The following TREML2 variants were observed in gnomAD, a reference collection of about 807,000 sequenced individuals.
TREML2 encodes triggering receptor expressed on myeloid cells like 2, also known as trem-like transcript 2 protein.
A neutral mutation model predicts 25.9 loss-of-function variants in TREML2; 24 were observed. The ratio of observed to expected loss-of-function variants is 0.93; its 90% confidence interval spans 0.67 to 1.30. The LOEUF (loss-of-function observed/expected upper bound fraction) is 1.30, where lower values mean the gene tolerates loss of function less well. TREML2 is among the 50% of genes most tolerant of loss of function. TREML2 has a pLI of 0.00. For synonymous variants in TREML2, 139 were observed against 155.2 expected, an observed-to-expected ratio of 0.90 and a Z score of 0.77; for missense variants, 359 against 395.6, an observed-to-expected ratio of 0.91 and a Z score of 0.78.
chr6:41,196,073 T>C (rs956663150), intron 2 of TREML2, among the ~76,000 whole-genome samples: 1 of 152,240 alleles, frequency 6.6e-6, no homozygotes, highest in East Asian at 1.9e-4. Context: ...AGGATTTTTT[T>C]TATTTCCTAA....
intron 3 of TREML2, 101 bp from the exon 4 acceptor site, chr6:41,193,002 T>C: frequency 1.1e-6 from 1 of 946,486 alleles, no homozygotes; most frequent in Non-Finnish European, 1.5e-6. Flanking sequence ...GAGCGTGCCC[T>C]TCCCGGGGTA....
chr6:41,200,823 TA>T, intron 1 of TREML2, 130 bp downstream of exon 1: 2 of 804,916 alleles, frequency 2.5e-6, no homozygotes, highest in South Asian at 2.2e-5. Context: ...AAGTCAGCCC[TA>T]ATCTCCTCCT....
chr6:41,196,220 A>G (rs1766158619), intron 2 of TREML2, among the ~76,000 whole-genome samples: 2 of 152,346 alleles, frequency 1.3e-5, no homozygotes, highest in African/African-American at 4.8e-5. Flanking sequence ...CTATCCCTAA[A>G]TATTAAGACT....
intron 2 of TREML2, among the ~76,000 whole-genome samples, chr6:41,197,284 C>T (rs1766184279): frequency 6.6e-6 from 1 of 152,206 alleles, no homozygotes; most frequent in African/African-American, 2.4e-5. Flanking sequence ...CATGACAGCT[C>T]TCTGAGCTCT....
At chr6:41,196,212 A>T (rs1438220430) in intron 2 of TREML2, among the ~76,000 whole-genome samples, 1 of 152,238 alleles carries the variant, frequency 6.6e-6, no homozygotes, top group Admixed American at 6.5e-5. Context: ...TAATGTTTCT[A>T]TCCCTAAATA....
At chr6:41,192,724 G>A in intron 4 of TREML2, 77 bp downstream of exon 4, 2 of 1,355,564 alleles carry the variant, frequency 1.5e-6, no homozygotes, top group Non-Finnish European at 2.1e-6. Context: ...ATACCACGTG[G>A]GGACTCGAGG....
intron 2 of TREML2, among the ~76,000 whole-genome samples, chr6:41,196,311 G>A (rs1370266629): frequency 2.0e-5 from 3 of 152,196 alleles, no homozygotes; most frequent in East Asian, 1.9e-4. Flanking sequence ...ACATTTTAGC[G>A]ACAGCATTTT....
chr6:41,194,358 A>C (rs1186678645), intron 3 of TREML2, 67 bp downstream of exon 3: 9 of 1,442,634 alleles, frequency 6.2e-6, no homozygotes, highest in Non-Finnish European at 7.4e-6. Context: ...CAGATATAAG[A>C]CTTGCACCTC....
chr6:41,192,408 A>G lies in TREML2; in HGVS notation c.*19T>C. ...GGGGCCACTCTGGGAGAAGCTCCCCACCCCATGCTTAAGTGGCCTCAGATC... is the reference window on the plus strand; with the variant it reads ...GGGGCCACTCTGGGAGAAGCTCCCCGCCCCATGCTTAAGTGGCCTCAGATC... On this transcript the variant is annotated 3_prime_UTR_variant, in exon 5 of 5. Transcript: ENST00000483722. 6.2e-7 allele frequency: 1 copy of G among 1,609,602 alleles called. No individual in the cohort carries two copies.
intron 1 of TREML2, 48 bp downstream of exon 1, chr6:41,200,906 C>A (rs759257126): frequency 6.8e-7 from 1 of 1,474,198 alleles, no homozygotes; most frequent in East Asian, 2.5e-5. Context: ...TGAGCTCCTG[C>A]CTCTGTACCC....
Position 41,190,130 on chromosome 6 carries a change from T to A in TREML2, c.*2297A>T, listed in dbSNP as rs1425664081. The stretch of plus-strand genomic sequence containing the variant: ...CCATATCTGTGCCTGCAGCTTGATT[T>A]TTCAGGCTGTTCTTTTGTTTAAAAG... On this transcript the variant is annotated 3_prime_UTR_variant, in exon 5 of 5. Coordinates refer to ENST00000483722, the MANE Select transcript of TREML2 (RefSeq NM_024807.4). The A allele has an allele frequency of 6.6e-6, 1 of 152,176 alleles. No individual in the cohort carries two copies. Among genetic ancestry groups the A allele is most frequent in the Non-Finnish European group, 1.5e-5 (1 of 68,042 alleles). 9.4% of individuals were successfully genotyped at this position (152,176 alleles called of 1,614,324 possible).
intron 2 of TREML2, among the ~76,000 whole-genome samples, chr6:41,195,966 C>T (rs1766152731): frequency 6.6e-6 from 1 of 152,202 alleles, no homozygotes; most frequent in Admixed American, 6.5e-5. Flanking sequence ...AGTAACTTTC[C>T]TTCTCCACTT....
Position 41,194,430 on chromosome 6 carries a change from G to A in TREML2, c.780C>T (p.Ser260=), listed in dbSNP as rs1361473812. The change falls in exon 3 of 5, where the codon TCC becomes TCT. Residue 260 remains serine (S), a synonymous_variant. Transcript: ENST00000483722. ...ACCCCAGGCCCCACAGGTACCTGAT[G>A]GAGGGCATGGAGGGTAGTCTGTTGA... ...SLLNRLPSMP[S]IRHQDVYSTV... is the part of the protein sequence containing the mutation. 4 of 1,562,624 alleles carry A rather than the reference G, an allele frequency of 2.6e-6. No homozygotes were observed. Among genetic ancestry groups the A allele is most frequent in the Non-Finnish European group, 3.5e-6 (4 of 1,152,120 alleles).
chr6:41,194,364 A>G (rs1766119154), intron 3 of TREML2, 61 bp downstream of exon 3: 4 of 1,452,144 alleles, frequency 2.8e-6, no homozygotes, highest in African/African-American at 1.4e-5. Flanking sequence ...TAAGACTTGC[A>G]CCTCCAGGTC....
intron 1 of TREML2, 106 bp from the exon 2 acceptor site, chr6:41,198,535 T>C (rs1342589659): frequency 2.0e-5 from 24 of 1,222,748 alleles, no homozygotes; most frequent in Middle Eastern, 2.7e-4. Context: ...TGTCCTGCTG[T>C]CACAGAACCC....
At chr6:41,198,609 A>C (rs566990766) in intron 1 of TREML2, among the ~76,000 whole-genome samples, 180 bp from the exon 2 acceptor site, 1 of 152,246 alleles carries the variant, frequency 6.6e-6, no homozygotes, top group South Asian at 2.1e-4. Flanking sequence ...AGGGAGGTGA[A>C]TGGGCCCTGA....
rs1491212489 is a variant in TREML2, at chr6:41,191,168, CCT to C, written c.*1257_*1258del. The stretch of plus-strand genomic sequence containing the variant: ...TCCAGTCACTCCAGGTCAGTAGACA[CCT>C]GTGTGTGTGTGTGTGTGTGTGTGTG... On this transcript the variant is annotated 3_prime_UTR_variant, in exon 5 of 5. Transcript: ENST00000483722. 7.0e-3 allele frequency: 842 copies of C among 120,070 alleles called. 7 individuals carry two copies. Among genetic ancestry groups the C allele is most frequent in the South Asian group, 0.012 (43 of 3,494 alleles). 7.4% of individuals were successfully genotyped at this position (120,070 alleles called of 1,614,324 possible).
chr6:41,197,703 T>C (rs532754536), intron 2 of TREML2, among the ~76,000 whole-genome samples: 10 of 152,352 alleles, frequency 6.6e-5, no homozygotes, highest in Admixed American at 3.9e-4. Flanking sequence ...GGATAATAAG[T>C]GTGCCTGTCA....
Position 41,201,095 on chromosome 6 carries a change from G to T in TREML2, c.-87C>A. 6.6e-7 allele frequency: 1 copy of T among 1,506,982 alleles called. No individual in the cohort carries two copies. The highest frequency in any genetic ancestry group is 9.2e-7 in the Non-Finnish European group (1 of 1,082,910). The allele number at this position is 1,506,982 out of a possible 1,614,324, so 93.4% of individuals were successfully genotyped here. A position where few individuals can be genotyped will look rare whatever the true frequency, so the allele number is the denominator to read the frequency against. On this transcript the variant is annotated 5_prime_UTR_variant, in exon 1 of 5. Coordinates refer to ENST00000483722, the MANE Select transcript of TREML2 (RefSeq NM_024807.4). ...GGATGTGCCACCTGGGCCTGCCAGG[G>T]AAGGACCCGGGGTTCTAAAAGTGAA...
Sources: allele counts gnomAD v4.1 joint callset (sites outside exome capture counted in the v4.1 genomes callset), GRCh38; gene constraint gnomAD v4.1.1; transcripts MANE v1.5; gene names NCBI Gene and HGNC (gene_info 2026-07-23, HGNC 2026-07-21).